The following SORCS2 variants were observed in gnomAD, a reference collection of about 807,000 sequenced individuals.
SORCS2 encodes the protein sortilin related VPS10 domain containing receptor 2, also known as VPS10 domain-containing receptor SorCS2.
Under a neutral mutation model 141.6 loss-of-function variants are expected in SORCS2, and 100 were observed. The observed-to-expected ratio is 0.71, with a 90% confidence interval of 0.60 to 0.83. The LOEUF is 0.83. Among genes scored for constraint, SORCS2 ranks in the 40% least tolerant of loss-of-function variants. The pLI, the probability that SORCS2 is intolerant of heterozygous loss-of-function variation, is 0.00. For missense variants in SORCS2, 1,646 were observed against 1,560.2 expected, an observed-to-expected ratio of 1.05 and a Z score of -0.93; for synonymous variants, 789 against 676.9, an observed-to-expected ratio of 1.17 and a Z score of -2.57.
chr4:7,543,919 TCCACCCATCCAC>T (rs1713004584), intron 3 of SORCS2, among the ~76,000 whole-genome samples: 5 of 39,612 alleles, frequency 1.3e-4, no homozygotes, highest in African/African-American at 2.3e-4. Context: ...CATCCACCCA[TCCACCCATCCAC>T]CCATCCACCC....
At chr4:7,340,172 T>G (rs907989121) in intron 1 of SORCS2, among the ~76,000 whole-genome samples, 1 of 152,212 alleles carries the variant, frequency 6.6e-6, no homozygotes, top group African/African-American at 2.4e-5. Flanking sequence ...AGAAGTGGAT[T>G]TGAAAGGCCC....
At chr4:7,740,066 G>T in intron 26 of SORCS2, 134 bp from the exon 27 acceptor site, 1 of 702,608 alleles carries the variant, frequency 1.4e-6, no homozygotes, top group South Asian at 1.6e-5. Flanking sequence ...GCACCTGCAC[G>T]GGCTGAAGGA....
chr4:7,376,328 G>A (rs1042633900), intron 1 of SORCS2, among the ~76,000 whole-genome samples: 2 of 151,556 alleles, frequency 1.3e-5, no homozygotes, highest in Admixed American at 6.6e-5. Context: ...TGTAATCCCA[G>A]CACTTTGGGA....
At position 7,452,225 on chromosome 4, in the gene SORCS2, C is replaced by T. The variant is rs1175377117; in HGVS notation, c.548+55870C>T. 3.3e-5 allele frequency among the ~76,000 whole-genome samples: 5 copies of T among 152,260 alleles called. No individual in the cohort carries two copies. The South Asian group carries it at 8.3e-4, about 25-fold the overall frequency. ...GCACGATCTTGGCTCACTGCAACCT[C>T]TGCCTCCTATGTTCAGGCAATTCGC... On this transcript the variant is annotated intron_variant, in intron 2 of 26. Coordinates refer to ENST00000507866, the MANE Select transcript of SORCS2 (RefSeq NM_020777.3).
intron 1 of SORCS2, among the ~76,000 whole-genome samples, chr4:7,288,551 G>C (rs1245316656): frequency 8.3e-6 from 1 of 120,414 alleles, no homozygotes; most frequent in Non-Finnish European, 1.7e-5. Context: ...TCCCAGGGGC[G>C]GGGGGCGGGG....
At chr4:7,724,591 T>A (rs199503527) in intron 19 of SORCS2, among the ~76,000 whole-genome samples, 4,428 of 21,766 alleles carry the variant, frequency 0.2, 484 homozygotes, top group Admixed American at 0.32. Context: ...GGTGGTGGTG[T>A]TGGTGATGGT....
At chr4:7,456,625 C>T (rs1441857094) in intron 2 of SORCS2, among the ~76,000 whole-genome samples, 1 of 152,164 alleles carries the variant, frequency 6.6e-6, no homozygotes, top group Non-Finnish European at 1.5e-5. Flanking sequence ...CTGTCCCCAC[C>T]TGGGAGAGAG....
At chr4:7,332,904 G>A (rs1381918793) in intron 1 of SORCS2, among the ~76,000 whole-genome samples, 1 of 152,244 alleles carries the variant, frequency 6.6e-6, no homozygotes, top group Non-Finnish European at 1.5e-5. Flanking sequence ...TTTACCAGAT[G>A]TGGCCTTGGA....
At chr4:7,610,302 C>A (rs561830408) in intron 3 of SORCS2, among the ~76,000 whole-genome samples, 1 of 152,276 alleles carries the variant, frequency 6.6e-6, no homozygotes, top group African/African-American at 2.4e-5. Context: ...TGTCAAGTTG[C>A]CAGTTAAATG....
rs192796117 is a variant in SORCS2, at chr4:7,448,771, C to T, written c.548+52416C>T. Among the ~76,000 whole-genome samples, 134 of 89,318 alleles carry T rather than the reference C, an allele frequency of 1.5e-3. 4 individuals are homozygous for T. Among genetic ancestry groups the T allele is most frequent in the African/African-American group, 6.1e-3 (130 of 21,478 alleles). The allele number at this position is 89,318 out of a possible 152,430, so 58.6% of individuals were successfully genotyped here. On this transcript the variant is annotated intron_variant, in intron 2 of 26. Coordinates refer to ENST00000507866, the MANE Select transcript of SORCS2 (RefSeq NM_020777.3). ...CCCCTCCCTCCCTCTTTTCCTTTCT[C>T]TCCCCTCCATCCCGCCCTCCCTCCC...
At chr4:7,217,298 C>T (rs1159123421) in intron 1 of SORCS2, among the ~76,000 whole-genome samples, 1 of 152,200 alleles carries the variant, frequency 6.6e-6, no homozygotes, top group South Asian at 2.1e-4. Flanking sequence ...TTGCTGGTGC[C>T]CTGGCCCTCA....
chr4:7,348,751 C>T (rs144273665), intron 1 of SORCS2, among the ~76,000 whole-genome samples: 2,539 of 152,252 alleles, frequency 0.017, 100 homozygotes, highest in East Asian at 0.14. Flanking sequence ...TGGGGTTTCA[C>T]CATGTTGGCC....
chr4:7,531,685 C>G (rs966877749), intron 3 of SORCS2, 56 bp downstream of exon 3: 2 of 1,539,952 alleles, frequency 1.3e-6, no homozygotes. Context: ...GCCGCTCACT[C>G]TGCAGAGCAA....
intron 1 of SORCS2, among the ~76,000 whole-genome samples, chr4:7,314,824 T>G (rs1266603124): frequency 6.8e-6 from 1 of 146,340 alleles, no homozygotes; most frequent in Non-Finnish European, 1.5e-5. Flanking sequence ...TTTTTTTTTT[T>G]TTTTTATTGT....
intron 3 of SORCS2, among the ~76,000 whole-genome samples, chr4:7,629,294 C>A (rs1379436765): frequency 2.0e-5 from 3 of 152,100 alleles, no homozygotes; most frequent in Non-Finnish European, 4.4e-5. Flanking sequence ...AAAGAAGGAG[C>A]CAGCCACACA....
At chr4:7,415,619 A>G (rs1347089294) in intron 2 of SORCS2, among the ~76,000 whole-genome samples, 1 of 152,238 alleles carries the variant, frequency 6.6e-6, no homozygotes, top group Non-Finnish European at 1.5e-5. Context: ...CGCTGTGAGC[A>G]TTAGGATGTG....
At chr4:7,300,927 G>A (rs1717388510) in intron 1 of SORCS2, among the ~76,000 whole-genome samples, 1 of 152,158 alleles carries the variant, frequency 6.6e-6, no homozygotes, top group Admixed American at 6.5e-5. Flanking sequence ...TCTCCTTCCT[G>A]CCTCCGTGCC....
intron 1 of SORCS2, among the ~76,000 whole-genome samples, chr4:7,228,449 G>A (rs78927340): frequency 0.017 from 2,630 of 152,312 alleles, 37 homozygotes; most frequent in Non-Finnish European, 0.028. Context: ...AAGGGTGGAT[G>A]AGGTGCGGAT....
chr4:7,556,758 C>T (rs967773916), intron 3 of SORCS2, among the ~76,000 whole-genome samples: 3 of 151,308 alleles, frequency 2.0e-5, no homozygotes, highest in African/African-American at 7.3e-5. Context: ...ATCTACCTAC[C>T]ACCCATTCAC....
Sources: allele counts gnomAD v4.1 joint callset (sites outside exome capture counted in the v4.1 genomes callset), GRCh38; gene constraint gnomAD v4.1.1; transcripts MANE v1.5; gene names NCBI Gene and HGNC (gene_info 2026-07-23, HGNC 2026-07-21).